The following KIAA1755 variants were observed in gnomAD, a reference collection of about 807,000 sequenced individuals.
KIAA1755 encodes the protein KIAA1755.
A neutral mutation model predicts 91.7 loss-of-function variants in KIAA1755; 68 were observed. That is an observed-to-expected ratio of 0.74 (90% CI 0.61 to 0.91). KIAA1755 has a LOEUF of 0.91. Among genes scored for constraint, KIAA1755 ranks in the 40% least tolerant of loss-of-function variants. KIAA1755 has a pLI of 0.00. For missense variants in KIAA1755, 1,535 were observed against 1,494.4 expected, an observed-to-expected ratio of 1.03 and a Z score of -0.45; for synonymous variants, 610 against 604.6, an observed-to-expected ratio of 1.01 and a Z score of -0.13.
intron 1 of KIAA1755, among the ~76,000 whole-genome samples, chr20:38,249,701 A>G (rs2076214252): frequency 6.7e-6 from 1 of 149,574 alleles, no homozygotes; most frequent in South Asian, 2.2e-4. Context: ...CTGAAATCAC[A>G]TGTACCCAGG....
chr20:38,217,180 G>A, intron 13 of KIAA1755, 73 bp downstream of exon 13: 1 of 1,335,382 alleles, frequency 7.5e-7, no homozygotes, highest in Non-Finnish European at 1.0e-6. Context: ...GCTGTGTCTA[G>A]GTATCCCTGT....
At chr20:38,255,170 T>C (rs1165077502) in intron 1 of KIAA1755, among the ~76,000 whole-genome samples, 2 of 150,966 alleles carry the variant, frequency 1.3e-5, no homozygotes, top group African/African-American at 2.4e-5. Flanking sequence ...GAGTGAGATC[T>C]GTCTCAAAAA....
intron 9 of KIAA1755, 135 bp from the exon 10 acceptor site, chr20:38,222,732 C>G (rs1338228659): frequency 1.1e-6 from 1 of 924,648 alleles, no homozygotes; most frequent in South Asian, 1.5e-5. Flanking sequence ...TCATTTCTGT[C>G]TCTAAAACAT....
intron 1 of KIAA1755, among the ~76,000 whole-genome samples, chr20:38,259,266 T>C (rs1370990913): frequency 6.6e-6 from 1 of 152,162 alleles, no homozygotes; most frequent in East Asian, 1.9e-4. Context: ...TGTACACCTG[T>C]CCCCGCAGTG....
chr20:38,216,703 C>T (rs1240175263), intron 13 of KIAA1755, among the ~76,000 whole-genome samples: 1 of 152,164 alleles, frequency 6.6e-6, no homozygotes, highest in Middle Eastern at 3.2e-3. Flanking sequence ...GGGCAGTTTT[C>T]TCATCTGTAA....
At position 38,240,567 on chromosome 20, in the gene KIAA1755, A is replaced by G. The variant is rs762523602; in HGVS notation, c.1549+15T>C. On this transcript the variant is annotated intron_variant, in intron 3 of 13. Coordinates refer to ENST00000279024, the MANE Select transcript of KIAA1755 (RefSeq NM_001029864.2). ...CAATAACCTCCTTGTACAGCTGAGCATGTGGGCATCTTACCTTTCCCCAAA... is the reference window on the plus strand; with the variant it reads ...CAATAACCTCCTTGTACAGCTGAGCGTGTGGGCATCTTACCTTTCCCCAAA... 1 of 1,485,006 alleles carries G rather than the reference A, an allele frequency of 6.7e-7. No individual in the cohort carries two copies. The highest frequency in any genetic ancestry group is 1.4e-5 in the African/African-American group (1 of 70,994). The allele number at this position is 1,485,006 out of a possible 1,614,324, so 92.0% of individuals were successfully genotyped here.
chr20:38,241,335 C>T lies in KIAA1755; in HGVS notation c.796G>A (p.Val266Met). The change falls in exon 3 of 14, where the codon GTG (valine) becomes ATG (methionine). Residue 266 changes from valine (V) to methionine (M), a missense_variant. By Grantham distance (21) the Val-to-Met change is conservative (BLOSUM62 1). Coordinates refer to ENST00000279024, the MANE Select transcript of KIAA1755 (RefSeq NM_001029864.2). The stretch of plus-strand genomic sequence containing the variant: ...TCTCCCTCGAAGTCCTGGCTGACCA[C>T]CTCGTCCATCCTGAAAGCCACCTCC... ...CGEVAFRMDE[V>M]VSQDFEGDYV... The T allele has an allele frequency of 1.2e-6, 2 of 1,614,194 alleles. No individual in the cohort carries two copies. The highest frequency in any genetic ancestry group is 4.5e-5 in the East Asian group (2 of 44,874).
rs1175390775 is a variant in KIAA1755, at chr20:38,210,715, G to A, written c.*2327C>T. 6.6e-6 allele frequency: 1 copy of A among 152,154 alleles called. No homozygotes were observed. Among genetic ancestry groups the A allele is most frequent in the Non-Finnish European group, 1.5e-5 (1 of 68,050 alleles). 9.4% of individuals were successfully genotyped at this position (152,154 alleles called of 1,614,324 possible). On this transcript the variant is annotated 3_prime_UTR_variant, in exon 14 of 14. Coordinates refer to ENST00000279024, the MANE Select transcript of KIAA1755 (RefSeq NM_001029864.2). The stretch of plus-strand genomic sequence containing the variant: ...GCCCGCTTTGCCCCCCTTCCTTCTA[G>A]CAGTAGCTGTGGTCTCTCACAAGTC...
At chr20:38,234,790 T>C (rs956629283) in intron 4 of KIAA1755, among the ~76,000 whole-genome samples, 1 of 152,144 alleles carries the variant, frequency 6.6e-6, no homozygotes, top group South Asian at 2.1e-4. Context: ...GCCAGCTGAG[T>C]TGATTACAGC....
At chr20:38,256,762 C>T (rs116712683) in intron 1 of KIAA1755, among the ~76,000 whole-genome samples, 25 of 152,196 alleles carry the variant, frequency 1.6e-4, no homozygotes, top group African/African-American at 5.8e-4. Context: ...ATGATCATAC[C>T]ACTGTACTCC....
Position 38,240,586 on chromosome 20 carries a change from C to A in KIAA1755, c.1545G>T (p.Gly515=). 6.7e-7 allele frequency: 1 copy of A among 1,488,022 alleles called. No homozygotes were observed. The highest frequency in any genetic ancestry group is 8.9e-7 in the Non-Finnish European group (1 of 1,118,504). The allele number at this position is 1,488,022 out of a possible 1,614,324, so 92.2% of individuals were successfully genotyped here. Residue 515 remains glycine (G), a synonymous_variant, in exon 3 of 14, where the codon GGG becomes GGT. Coordinates refer to ENST00000279024, the MANE Select transcript of KIAA1755 (RefSeq NM_001029864.2). Reference sequence around the variant, plus strand: ...CTGAGCATGTGGGCATCTTACCTTTCCCCAAAGATTTGGCTCGGTTGGGTT... The same window carrying A: ...CTGAGCATGTGGGCATCTTACCTTTACCCAAAGATTTGGCTCGGTTGGGTT... The part of the protein sequence containing the change: ...SPKPNRAKSL[G]KAGTTQTKTS...
intron 1 of KIAA1755, among the ~76,000 whole-genome samples, chr20:38,249,552 C>T (rs557671891): frequency 5.9e-5 from 9 of 152,270 alleles, no homozygotes; most frequent in East Asian, 1.9e-4. Context: ...CAGTGCTGGG[C>T]GCAGGGGACC....
intron 7 of KIAA1755, among the ~76,000 whole-genome samples, chr20:38,226,275 G>A (rs1263326880): frequency 2.6e-5 from 4 of 152,198 alleles, no homozygotes; most frequent in African/African-American, 9.7e-5. Flanking sequence ...CTTCTGCCAG[G>A]CAGAGAAATT....
intron 9 of KIAA1755, 90 bp from the exon 10 acceptor site, chr20:38,222,687 C>G (rs1418954711): frequency 7.2e-7 from 1 of 1,390,748 alleles, no homozygotes; most frequent in Non-Finnish European, 9.9e-7. Flanking sequence ...AAGTCCAACT[C>G]CCAGTTTGGC....
chr20:38,219,485 G>A, intron 11 of KIAA1755, 145 bp downstream of exon 11: 1 of 1,034,360 alleles, frequency 9.7e-7, no homozygotes, highest in Non-Finnish European at 1.4e-6. Context: ...CCCCAAGGAT[G>A]CCTGCCTGGC....
intron 1 of KIAA1755, among the ~76,000 whole-genome samples, chr20:38,248,241 A>G (rs967572001): frequency 6.6e-6 from 1 of 152,160 alleles, no homozygotes; most frequent in African/African-American, 2.4e-5. Context: ...AAAATAATAA[A>G]TAAATAGCGG....
At chr20:38,246,301 T>C (rs938788241) in intron 1 of KIAA1755, among the ~76,000 whole-genome samples, 175 bp from the exon 2 acceptor site, 26 of 152,104 alleles carry the variant, frequency 1.7e-4, no homozygotes, top group Non-Finnish European at 3.4e-4. Flanking sequence ...TTCCTGTCCC[T>C]CAAACACACT....
In KIAA1755 at chr20:38,260,675, A is replaced by G; in HGVS notation, c.-175T>C. ...CATCTCGGAGGAGCGGCCGGGGAGG[A>G]CAGGGAGAGAGACTGAGAGAGAGAC... is the stretch of plus-strand genomic sequence containing the variant. On this transcript the variant is annotated 5_prime_UTR_variant, in exon 1 of 14. Coordinates refer to ENST00000279024, the MANE Select transcript of KIAA1755 (RefSeq NM_001029864.2). 1 of 626,154 alleles carries G rather than the reference A, an allele frequency of 1.6e-6. No individual in the cohort carries two copies. Among genetic ancestry groups the G allele is most frequent in the Non-Finnish European group, 2.4e-6 (1 of 416,582 alleles). The allele number at this position is 626,154 out of a possible 1,614,324, so 38.8% of individuals were successfully genotyped here. A position where few individuals can be genotyped will look rare whatever the true frequency, so the allele number is the denominator to read the frequency against.
intron 12 of KIAA1755, chr20:38,217,750 C>A: frequency 1.8e-6 from 1 of 543,024 alleles, no homozygotes; most frequent in Non-Finnish European, 3.3e-6. Context: ...CTTAGATGTT[C>A]CTTCTGGAAA....
Sources: gnomAD v4.1 joint callset for allele counts (sites outside exome capture counted in the v4.1 genomes callset) on GRCh38, gnomAD v4.1.1 for gene constraint, MANE v1.5 for transcripts, NCBI Gene and HGNC (gene_info 2026-07-23, HGNC 2026-07-21) for gene names.